ROBO2: variants seen among roughly 807,000 people sequenced by gnomAD.
ROBO2 encodes roundabout guidance receptor 2, also known as roundabout homolog 2.
In ROBO2, 53 loss-of-function variants were observed where a neutral mutation model predicts 160.8. The ratio of observed to expected loss-of-function variants is 0.33; its 90% CI spans 0.26 to 0.41. The LOEUF (loss-of-function observed/expected upper bound fraction) is 0.41, where lower values mean the gene tolerates loss of function less well. Ranked by LOEUF, ROBO2 falls within the 10% of genes least tolerant of loss-of-function variation. ROBO2 has a pLI of 1.00. For missense variants in ROBO2, 1,577 were observed against 1,722.4 expected, an observed-to-expected ratio of 0.92 and a Z score of 1.49; for synonymous variants, 664 against 611.7, an observed-to-expected ratio of 1.09 and a Z score of -1.26.
At chr3:77,067,150 C>T (rs1342275380) in intron 1 of ROBO2, among the ~76,000 whole-genome samples, 6 of 151,958 alleles carry the variant, frequency 3.9e-5, no homozygotes, top group Admixed American at 6.6e-5. Context: ...CTTGATTTTT[C>T]GTGACTGCAT....
At chr3:76,313,694 A>G (rs1320959297) in intron 2 of ROBO2, among the ~76,000 whole-genome samples, 2 of 152,224 alleles carry the variant, frequency 1.3e-5, no homozygotes, top group African/African-American at 4.8e-5. Context: ...CTCTATTTCT[A>G]AAAATCCTGG....
chr3:76,525,373 A>G (rs2081894972), intron 2 of ROBO2, among the ~76,000 whole-genome samples: 1 of 151,930 alleles, frequency 6.6e-6, no homozygotes, highest in Admixed American at 6.6e-5. Context: ...ACACATTTTA[A>G]AATAAGGAAA....
At chr3:77,025,943 A>G (rs2062937094) in intron 2 of ROBO2, among the ~76,000 whole-genome samples, 2 of 152,198 alleles carry the variant, frequency 1.3e-5, no homozygotes, top group Admixed American at 1.3e-4. Flanking sequence ...TCAATGTTTC[A>G]ATTTATGTAT....
chr3:77,238,882 AGAG>A (rs1461060493), intron 2 of ROBO2, among the ~76,000 whole-genome samples: 3 of 152,158 alleles, frequency 2.0e-5, no homozygotes, highest in Non-Finnish European at 4.4e-5. Flanking sequence ...ACTTGCAGAT[AGAG>A]GAGGTGGCAG....
intron 2 of ROBO2, among the ~76,000 whole-genome samples, chr3:76,129,212 T>C (rs2071126580): frequency 6.6e-6 from 1 of 152,068 alleles, no homozygotes; most frequent in African/African-American, 2.4e-5. Context: ...TTGAGTGATG[T>C]GAAAAATATT....
chr3:77,267,697 A>T (rs1022126919), intron 2 of ROBO2, among the ~76,000 whole-genome samples: 2 of 152,152 alleles, frequency 1.3e-5, no homozygotes, highest in Non-Finnish European at 2.9e-5. Context: ...GAGAGTAGTA[A>T]TTTATTGATG....
At chr3:76,363,428 G>A (rs1438659587) in intron 2 of ROBO2, among the ~76,000 whole-genome samples, 6 of 152,000 alleles carry the variant, frequency 3.9e-5, no homozygotes, top group African/African-American at 1.2e-4. Context: ...AAACCACCAC[G>A]TTTATTCTCT....
Position 77,473,440 on chromosome 3 carries a change from CTTTTTTTTTTTTTTT to C in ROBO2, c.389-3951_389-3937del, listed in dbSNP as rs71104688. Reference sequence around the variant, plus strand: ...CTGCAGTTCGATTTTACAAACTGCTCTTTTTTTTTTTTTTTTTTTTTTTTTTTTTTTTTTTTTGAG... The same window carrying C: ...CTGCAGTTCGATTTTACAAACTGCTCTTTTTTTTTTTTTTTTTTTTTTGAG... On this transcript the variant is annotated intron_variant, in intron 2 of 25. Transcript: ENST00000461745. Among the ~76,000 whole-genome samples the C allele has an allele frequency of 9.9e-3, 772 of 77,888 alleles. 17 individuals carry two copies. The highest frequency in any genetic ancestry group is 0.017 in the African/African-American group (357 of 21,480). The allele number at this position is 77,888 out of a possible 152,430, so 51.1% of individuals were successfully genotyped here. A position where few individuals can be genotyped will look rare whatever the true frequency, so the allele number is the denominator to read the frequency against.
intron 2 of ROBO2, among the ~76,000 whole-genome samples, chr3:75,969,333 G>T (rs1237370922): frequency 6.6e-6 from 1 of 150,850 alleles, no homozygotes; most frequent in Non-Finnish European, 1.5e-5. Flanking sequence ...TACCCAGCAG[G>T]GGGATTGTGG....
chr3:76,605,105 T>C (rs1233411874), intron 2 of ROBO2, among the ~76,000 whole-genome samples: 1 of 152,210 alleles, frequency 6.6e-6, no homozygotes, highest in South Asian at 2.1e-4. Context: ...ACTGGAAAAA[T>C]ATATACTGAT....
At chr3:77,408,096 C>CA (rs200992126) in intron 2 of ROBO2, among the ~76,000 whole-genome samples, 4,584 of 134,186 alleles carry the variant, frequency 0.034, 96 homozygotes, top group East Asian at 0.086. Context: ...AGAACAAAAA[C>CA]AAAAAAAAAA....
chr3:76,872,993 A>C (rs1481138755), intron 2 of ROBO2, among the ~76,000 whole-genome samples: 1 of 152,174 alleles, frequency 6.6e-6, no homozygotes, highest in East Asian at 1.9e-4. Flanking sequence ...CTGTTCAAAA[A>C]ATTCAGATGA....
rs2094821194 is a variant in ROBO2, at chr3:77,618,078, G to T, written c.3554+305G>T. Reference sequence around the variant, plus strand: ...CTGTATTTCAGGCTAAAGTGCTCTTGGCTACACCAGAATCTTTTCTAATTT... The same window carrying T: ...CTGTATTTCAGGCTAAAGTGCTCTTTGCTACACCAGAATCTTTTCTAATTT... On this transcript the variant is annotated intron_variant, in intron 22 of 25. Transcript: ENST00000461745. 24 of 378,896 alleles carry T rather than the reference G, an allele frequency of 6.3e-5. No homozygotes were observed. The South Asian group carries it at 6.4e-4, about 10-fold the overall frequency. The allele number at this position is 378,896 out of a possible 1,614,324, so 23.5% of individuals were successfully genotyped here. A position where few individuals can be genotyped will look rare whatever the true frequency, so the allele number is the denominator to read the frequency against.
intron 2 of ROBO2, among the ~76,000 whole-genome samples, chr3:77,202,861 T>G (rs2083044412): frequency 6.6e-6 from 1 of 152,216 alleles, no homozygotes; most frequent in Admixed American, 6.5e-5. Context: ...ATGACCAAGT[T>G]TAAGGCAAAG....
chr3:76,797,240 T>C (rs1340542916), intron 2 of ROBO2, among the ~76,000 whole-genome samples: 1 of 152,090 alleles, frequency 6.6e-6, no homozygotes, highest in Non-Finnish European at 1.5e-5. Context: ...TGATATCATA[T>C]CAAGATTCTT....
At chr3:77,477,060 C>T (rs532819698) in intron 2 of ROBO2, among the ~76,000 whole-genome samples, 1 of 152,250 alleles carries the variant, frequency 6.6e-6, no homozygotes, top group East Asian at 1.9e-4. Flanking sequence ...CACACACACA[C>T]ACATATATGA....
intron 2 of ROBO2, among the ~76,000 whole-genome samples, chr3:76,830,484 C>CA (rs1007724608): frequency 2.0e-5 from 3 of 151,720 alleles, no homozygotes; most frequent in South Asian, 4.2e-4. Flanking sequence ...ATCCCCTACT[C>CA]AAAAAAAATT....
intron 22 of ROBO2, 70 bp downstream of exon 23, chr3:77,617,843 C>A: frequency 6.6e-7 from 1 of 1,520,330 alleles, no homozygotes; most frequent in Non-Finnish European, 9.0e-7. Context: ...AATAAATTCA[C>A]AAGAGATTCT....
chr3:75,932,921 A>G (rs1482522878), intron 1 of ROBO2, among the ~76,000 whole-genome samples: 1 of 152,210 alleles, frequency 6.6e-6, no homozygotes, highest in African/African-American at 2.4e-5. Context: ...AAATAATTTT[A>G]AATACATGCA....
Sources: allele counts gnomAD v4.1 joint callset (sites outside exome capture counted in the v4.1 genomes callset), GRCh38; gene constraint gnomAD v4.1.1; transcripts MANE v1.5; gene names NCBI Gene and HGNC (gene_info 2026-07-23, HGNC 2026-07-21).